Variants in TANGO6 observed in about 807,000 individuals in gnomAD.
The protein encoded by TANGO6 is transport and Golgi organization protein 6 homolog.
In TANGO6, 90 loss-of-function variants were observed where a neutral mutation model predicts 114.2. The observed-to-expected ratio is 0.79, with a 90% CI of 0.66 to 0.94. The LOEUF is 0.94. Among genes scored for constraint, TANGO6 ranks in the 40% least tolerant of loss-of-function variants. The pLI, the probability that TANGO6 is intolerant of heterozygous loss-of-function variation, is 0.00. For missense variants in TANGO6, 1,274 were observed against 1,315.3 expected, an observed-to-expected ratio of 0.97 and a Z score of 0.49; for synonymous variants, 477 against 509.8, an observed-to-expected ratio of 0.94 and a Z score of 0.87.
intron 14 of TANGO6, among the ~76,000 whole-genome samples, chr16:68,967,560 A>G (rs1352405086): frequency 6.6e-6 from 1 of 152,218 alleles, no homozygotes; most frequent in African/African-American, 2.4e-5. Context: ...TCAAACTACC[A>G]CAGCCCTAGG....
At chr16:68,856,446 G>A (rs1961995024) in intron 1 of TANGO6, among the ~76,000 whole-genome samples, 1 of 152,174 alleles carries the variant, frequency 6.6e-6, no homozygotes, top group South Asian at 2.1e-4. Context: ...ACCACACTTG[G>A]TAATGAAGTA....
Position 68,909,317 on chromosome 16 carries a change from G to C in TANGO6, c.1907G>C (p.Gly636Ala). 2 of 1,609,758 alleles carry C rather than the reference G, an allele frequency of 1.2e-6. No individual in the cohort carries two copies. The highest frequency in any genetic ancestry group is 1.7e-6 in the Non-Finnish European group (2 of 1,177,852). Residue 636 changes from glycine (G) to alanine (A), a missense_variant, in exon 11 of 18, where the codon GGC (glycine) becomes GCC (alanine). Physicochemically the swap from Gly to Ala is moderately conservative, Grantham distance 60. Coordinates refer to ENST00000261778, the MANE Select transcript of TANGO6 (RefSeq NM_024562.2). ...LEQHQTLLVE[G>A]QERKLLVLQL... ...CAACATCAGACTCTTCTTGTGGAAG[G>C]CCAAGAGCGGAAGCTGCTTGTCCTG...
At chr16:69,075,910 G>A (rs971195344) in intron 17 of TANGO6, among the ~76,000 whole-genome samples, 30 of 151,272 alleles carry the variant, frequency 2.0e-4, no homozygotes, top group African/African-American at 7.3e-4. Flanking sequence ...GACTACAGGC[G>A]TGCACCACCG....
intron 15 of TANGO6, among the ~76,000 whole-genome samples, chr16:69,000,603 T>G (rs547102529): frequency 5.9e-5 from 9 of 152,100 alleles, no homozygotes; most frequent in Non-Finnish European, 1.2e-4. Flanking sequence ...TTTTTTTTCT[T>G]TTTTTTGAGA....
At chr16:69,023,227 G>A (rs879291285) in intron 16 of TANGO6, among the ~76,000 whole-genome samples, 11 of 152,052 alleles carry the variant, frequency 7.2e-5, no homozygotes, top group Non-Finnish European at 1.5e-4. Flanking sequence ...AGGGCGAGGC[G>A]GGTAGATTGC....
intron 9 of TANGO6, among the ~76,000 whole-genome samples, chr16:68,904,380 CAT>C (rs1473019760): frequency 6.6e-6 from 1 of 152,138 alleles, no homozygotes; most frequent in Non-Finnish European, 1.5e-5. Flanking sequence ...TTTCCTTTAA[CAT>C]AGAATGTTGT....
At position 69,020,904 on chromosome 16, in the gene TANGO6, A is replaced by ATGTGTGTGTGTGTGTG. The variant is rs34350425; in HGVS notation, c.2843-1901_2843-1886dup. On this transcript the variant is annotated intron_variant, in intron 15 of 17. Coordinates refer to ENST00000261778, the MANE Select transcript of TANGO6 (RefSeq NM_024562.2). ...CCACCCCCCCTTTATATATGTATGT[A>ATGTGTGTGTGTGTGTG]TGTGTGTGTGTGTGTGTGTGTGTGT... Among the ~76,000 whole-genome samples, 536 of 87,324 alleles carry ATGTGTGTGTGTGTGTG rather than the reference A, an allele frequency of 6.1e-3. 1 individual carries two copies. The highest frequency in any genetic ancestry group is 0.013 in the Middle Eastern group (2 of 160). 57.3% of individuals were successfully genotyped at this position (87,324 alleles called of 152,430 possible). A position where few individuals can be genotyped will look rare whatever the true frequency, so the allele number is the denominator to read the frequency against.
At chr16:68,868,654 C>T (rs576266410) in intron 4 of TANGO6, among the ~76,000 whole-genome samples, 4 of 152,024 alleles carry the variant, frequency 2.6e-5, no homozygotes, top group East Asian at 1.9e-4. Flanking sequence ...CCTGCCACCA[C>T]GCCCAGCTAA....
intron 1 of TANGO6, among the ~76,000 whole-genome samples, chr16:68,844,984 TTGAGA>T (rs1961780860): frequency 6.6e-6 from 1 of 151,534 alleles, no homozygotes; most frequent in South Asian, 2.1e-4. Flanking sequence ...TTTTTTTTTT[TTGAGA>T]TGAGGTCTCA....
rs2152162618 is a variant in TANGO6, at chr16:68,868,116, C to T, written c.994+896C>T. The stretch of plus-strand genomic sequence containing the variant: ...CCATGATCATGGCACTGCATTCCAG[C>T]CTGGACAAAAAAAGCAAGACCTTGT... On this transcript the variant is annotated intron_variant, in intron 4 of 17. Transcript: ENST00000261778. The T allele has an allele frequency of 1.3e-5, 2 of 150,208 alleles. 1 individual carries two copies. Among genetic ancestry groups the T allele is most frequent in the African/African-American group, 4.9e-5 (2 of 40,954 alleles). The allele number at this position is 150,208 out of a possible 1,614,324, so 9.3% of individuals were successfully genotyped here. A position where few individuals can be genotyped will look rare whatever the true frequency, so the allele number is the denominator to read the frequency against.
At chr16:68,948,613 C>G (rs951261662) in intron 14 of TANGO6, among the ~76,000 whole-genome samples, 1 of 152,162 alleles carries the variant, frequency 6.6e-6, no homozygotes, top group South Asian at 2.1e-4. Flanking sequence ...CCAGGCCTAC[C>G]TTTGGAAAAT....
chr16:68,987,938 T>C (rs1963912056), intron 15 of TANGO6, among the ~76,000 whole-genome samples: 1 of 152,230 alleles, frequency 6.6e-6, no homozygotes, highest in African/African-American at 2.4e-5. Context: ...GCTTATTTTC[T>C]ATTCATGTAT....
Position 68,867,240 on chromosome 16 carries a change from T to G in TANGO6, c.994+20T>G. 6.2e-7 allele frequency: 1 copy of G among 1,613,564 alleles called. No individual in the cohort carries two copies. Among genetic ancestry groups the G allele is most frequent in the Non-Finnish European group, 8.5e-7 (1 of 1,179,736 alleles). On this transcript the variant is annotated intron_variant, in intron 4 of 17. Coordinates refer to ENST00000261778, the MANE Select transcript of TANGO6 (RefSeq NM_024562.2). The stretch of plus-strand genomic sequence containing the variant: ...CAGGTGGTAAGAAATAAAATGTTGC[T>G]GTGACTTTGGTATCTGTTTTCCTTT...
At chr16:69,009,236 C>A (rs1489520750) in intron 15 of TANGO6, among the ~76,000 whole-genome samples, 1 of 151,796 alleles carries the variant, frequency 6.6e-6, no homozygotes, top group Admixed American at 6.6e-5. Flanking sequence ...CACACGCCAC[C>A]ATGCCCAGCT....
At chr16:69,033,478 G>C (rs762745127) in intron 16 of TANGO6, among the ~76,000 whole-genome samples, 7 of 152,224 alleles carry the variant, frequency 4.6e-5, no homozygotes, top group Non-Finnish European at 5.9e-5. Flanking sequence ...GTGGATAGGA[G>C]TGACACGATA....
At chr16:68,936,254 T>G (rs1005642690) in intron 14 of TANGO6, among the ~76,000 whole-genome samples, 1 of 152,204 alleles carries the variant, frequency 6.6e-6, no homozygotes, top group African/African-American at 2.4e-5. Context: ...TGGGCATTTT[T>G]TCACATTTTA....
At chr16:68,913,037 G>A (rs560911043) in intron 11 of TANGO6, among the ~76,000 whole-genome samples, 226 of 147,262 alleles carry the variant, frequency 1.5e-3, no homozygotes, top group African/African-American at 5.0e-3. Flanking sequence ...CCGAGATTGC[G>A]CCACTGCACT....
chr16:68,854,646 A>C (rs1186976847), intron 1 of TANGO6, among the ~76,000 whole-genome samples: 1 of 148,262 alleles, frequency 6.7e-6, no homozygotes, highest in Non-Finnish European at 1.5e-5. Context: ...CCCCATGTGG[A>C]TATCCAGTTG....
chr16:68,871,389 T>A (rs1962265026), intron 4 of TANGO6, among the ~76,000 whole-genome samples: 1 of 152,142 alleles, frequency 6.6e-6, no homozygotes, highest in African/African-American at 2.4e-5. Context: ...GGTGTTGGTT[T>A]CTTTATGGTT....
Sources: allele counts gnomAD v4.1 joint callset (sites outside exome capture counted in the v4.1 genomes callset), GRCh38; gene constraint gnomAD v4.1.1; transcripts MANE v1.5; gene names NCBI Gene and HGNC (gene_info 2026-07-23, HGNC 2026-07-21).